Variants in ZNF638 observed in about 807,000 individuals in gnomAD.
The protein encoded by ZNF638 is CTCL tumor antigen se33-1.
In ZNF638, 46 loss-of-function variants were observed where a neutral mutation model predicts 195.6. The observed-to-expected ratio is 0.24, with a 90% CI of 0.19 to 0.30. The LOEUF (loss-of-function observed/expected upper bound fraction) is 0.30, where lower values mean the gene tolerates loss of function less well. Among genes scored for constraint, ZNF638 ranks in the 10% least tolerant of loss-of-function variants. The probability of loss-of-function intolerance (pLI) is 1.00; values close to 1 mark genes in which losing one functional copy is unlikely to be tolerated. For synonymous variants in ZNF638, 845 were observed against 772.0 expected (o/e 1.09, Z -1.57); for missense variants, 2,440 against 2,325.3 (o/e 1.05, Z -1.01).
intron 7 of ZNF638, among the ~76,000 whole-genome samples, chr2:71,369,247 C>T (rs555859543): frequency 3.3e-4 from 49 of 150,370 alleles, no homozygotes; most frequent in Admixed American, 9.4e-4. Context: ...CTCTTGAACC[C>T]GGGAGGCAGA....
At chr2:71,383,560 GTT>G (rs57987492) in intron 10 of ZNF638, among the ~76,000 whole-genome samples, 59,508 of 122,114 alleles carry the variant, frequency 0.49, 13,552 homozygotes, top group East Asian at 0.78. Flanking sequence ...TTCCTGGGTG[GTT>G]TTTTTTTTTT....
intron 10 of ZNF638, among the ~76,000 whole-genome samples, chr2:71,392,408 A>G (rs1025211456): frequency 6.6e-5 from 10 of 152,202 alleles, no homozygotes; most frequent in African/African-American, 4.8e-5. Flanking sequence ...TTGGAGCCCT[A>G]GTACTGGCCC....
At chr2:71,399,167 A>G (rs963994471) in intron 12 of ZNF638, among the ~76,000 whole-genome samples, 1 of 152,086 alleles carries the variant, frequency 6.6e-6, no homozygotes, top group African/African-American at 2.4e-5. Context: ...ATTTTTTTTC[A>G]TAAAGAAATG....
chr2:71,343,802 G>A (rs926302043), intron 1 of ZNF638, among the ~76,000 whole-genome samples: 1 of 152,128 alleles, frequency 6.6e-6, no homozygotes, highest in Non-Finnish European at 1.5e-5. Flanking sequence ...AAAAACTCAC[G>A]TTTTCCTGTT....
chr2:71,406,912 A>T (rs553465690), intron 19 of ZNF638, among the ~76,000 whole-genome samples: 198 of 152,220 alleles, frequency 1.3e-3, no homozygotes, highest in African/African-American at 4.5e-3. Context: ...AGGCAGGAGG[A>T]TGGTTTGAGC....
chr2:71,345,020 G>A (rs919418215), intron 1 of ZNF638, among the ~76,000 whole-genome samples: 1 of 152,160 alleles, frequency 6.6e-6, no homozygotes. Context: ...TCTGCAGTTA[G>A]TTACCTGTAG....
At chr2:71,372,938 T>G (rs1001025961) in intron 8 of ZNF638, among the ~76,000 whole-genome samples, 3 of 152,236 alleles carry the variant, frequency 2.0e-5, no homozygotes, top group Admixed American at 1.3e-4. Context: ...ATATTTAGGT[T>G]GTTTCTAGAA....
At chr2:71,400,620 T>A in intron 15 of ZNF638, 102 bp downstream of exon 15, 1 of 935,174 alleles carries the variant, frequency 1.1e-6, no homozygotes, top group Non-Finnish European at 1.6e-6. Context: ...ATTTGGCATG[T>A]GAGAAATTCC....
At chr2:71,355,975 G>A (rs976895978) in intron 3 of ZNF638, among the ~76,000 whole-genome samples, 195 bp downstream of exon 3, 4 of 152,058 alleles carry the variant, frequency 2.6e-5, no homozygotes, top group African/African-American at 9.7e-5. Flanking sequence ...TATATCCTTT[G>A]ACACTTTTCT....
chr2:71,363,956 A>G lies in ZNF638; in HGVS notation c.1421A>G (p.Asn474Ser). The change falls in exon 5 of 28, where the codon AAT becomes AGT. Residue 474 changes from asparagine (N) to serine (S), a missense_variant and splice_region_variant. By Grantham distance (46) the Asn-to-Ser change is conservative. Around this residue, in one of 5 missense-constraint regions of ZNF638, gnomAD observed 1,883 missense variants for 1,739.1 expected, o/e 1.08. Coordinates refer to ENST00000264447, the MANE Select transcript of ZNF638 (RefSeq NM_014497.5). ...CTTTTCCGCCCCCCTGCTTGTAGAA[A>G]TGAGGGCAATAGAAAAGAAAATGAA... ...WNPEILPSRR[N>S]EGNRKENETP... is the part of the protein sequence containing the mutation. The G allele has an allele frequency of 6.2e-7, 1 of 1,606,774 alleles. No individual in the cohort carries two copies. The highest frequency in any genetic ancestry group is 1.3e-5 in the African/African-American group (1 of 74,708).
At chr2:71,417,829 G>T (rs2080334915) in intron 20 of ZNF638, among the ~76,000 whole-genome samples, 1 of 152,106 alleles carries the variant, frequency 6.6e-6, no homozygotes, top group Admixed American at 6.6e-5. Context: ...TTTACTGTTG[G>T]ACTCAAACAC....
chr2:71,428,762 G>C (rs2080592744), intron 25 of ZNF638, 111 bp downstream of exon 25: 1 of 859,768 alleles, frequency 1.2e-6, no homozygotes, highest in African/African-American at 1.7e-5. Flanking sequence ...ATAGAGCAGG[G>C]GTGGGAAAAG....
In ZNF638 at chr2:71,380,137, A is replaced by G. The variant is rs1392722956; in HGVS notation, c.2266-85A>G. 7.0e-6 allele frequency: 5 copies of G among 715,272 alleles called. No homozygotes were observed. The East Asian group carries it at 1.6e-4, about 23-fold the overall frequency. The allele number at this position is 715,272 out of a possible 1,614,324, so 44.3% of individuals were successfully genotyped here. A position where few individuals can be genotyped will look rare whatever the true frequency, so the allele number is the denominator to read the frequency against. ...AGGTAATAATCATGTGTCCTTTAGA[A>G]TAGGAAGATTTTAGATTTTTGTTCT... On this transcript the variant is annotated intron_variant, in intron 8 of 27. Transcript: ENST00000264447.
chr2:71,359,377 C>A (rs1195028106), intron 3 of ZNF638, among the ~76,000 whole-genome samples: 2 of 152,096 alleles, frequency 1.3e-5, no homozygotes, highest in African/African-American at 2.4e-5. Context: ...TGTCCAAGAA[C>A]AAGGAGGAGA....
At chr2:71,397,434 G>A (rs994089427) in intron 11 of ZNF638, among the ~76,000 whole-genome samples, 2 of 152,138 alleles carry the variant, frequency 1.3e-5, no homozygotes, top group Non-Finnish European at 2.9e-5. Context: ...ATTATGGACT[G>A]TCTTGACTAT....
At chr2:71,367,527 G>C (rs2670754) in intron 6 of ZNF638, among the ~76,000 whole-genome samples, 141 of 149,468 alleles carry the variant, frequency 9.4e-4, no homozygotes, top group Non-Finnish European at 1.8e-3. Context: ...CCGCCTCCCA[G>C]GTTCAAGTGA....
chr2:71,394,280 A>G (rs960918903), intron 10 of ZNF638, among the ~76,000 whole-genome samples: 1 of 152,202 alleles, frequency 6.6e-6, no homozygotes, highest in African/African-American at 2.4e-5. Flanking sequence ...CCAGACCCCA[A>G]GTAGAGTCCT....
At chr2:71,410,983 TC>T (rs34472889) in intron 20 of ZNF638, among the ~76,000 whole-genome samples, 3 of 48,184 alleles carry the variant, frequency 6.2e-5, no homozygotes, top group Non-Finnish European at 1.0e-4. Context: ...ACCCACCACC[TC>T]CCCCCCCCTT....
At chr2:71,398,869 G>C in intron 12 of ZNF638, 97 bp downstream of exon 12, 1 of 1,089,002 alleles carries the variant, frequency 9.2e-7, no homozygotes. Flanking sequence ...GAAGAGTTTA[G>C]TAGATATTTC....
Sources: gnomAD v4.1 joint callset for allele counts (sites outside exome capture counted in the v4.1 genomes callset) on GRCh38, gnomAD v4.1.1 for gene constraint, gnomAD v4.1.1 regional missense constraint, MANE v1.5 for transcripts, NCBI Gene and HGNC (gene_info 2026-07-23, HGNC 2026-07-21) for gene names.